Variants in MYO1E observed in about 807,000 individuals in gnomAD.
MYO1E encodes the protein myosin IE.
MYO1E carries 68 observed loss-of-function variants against 151.1 expected under a neutral mutation model. The observed-to-expected ratio is 0.45, with a 90% CI of 0.37 to 0.55. MYO1E has a LOEUF of 0.55. Ranked by LOEUF, MYO1E falls within the 20% of genes least tolerant of loss-of-function variation. MYO1E has a pLI of 0.00. For missense variants in MYO1E, 1,363 were observed against 1,389.3 expected, an observed-to-expected ratio of 0.98 and a Z score of 0.30; for synonymous variants, 601 against 501.7, an observed-to-expected ratio of 1.20 and a Z score of -2.64.
intron 1 of MYO1E, among the ~76,000 whole-genome samples, chr15:59,367,274 C>T (rs370000850): frequency 6.6e-6 from 1 of 152,158 alleles, no homozygotes; most frequent in African/African-American, 2.4e-5. Flanking sequence ...GGCACAGAGG[C>T]AAAATGTTGT....
At chr15:59,230,984 T>C (rs767135289) in intron 6 of MYO1E, among the ~76,000 whole-genome samples, 8 of 152,338 alleles carry the variant, frequency 5.3e-5, no homozygotes, top group Admixed American at 5.2e-4. Context: ...GGGGAACATA[T>C]TCATATTCAG....
chr15:59,175,122 T>C (rs11854099), intron 19 of MYO1E, among the ~76,000 whole-genome samples: 18,420 of 152,176 alleles, frequency 0.12, 1,152 homozygotes, highest in Middle Eastern at 0.17. Context: ...GATGAGAACA[T>C]TGGAACTAAG....
In MYO1E at chr15:59,134,963, C is replaced by G. The variant is rs2079363892; in HGVS notation, c.*2417G>C. ...GAAAAAAAGGGAAATGTTATTTATC[C>G]CAGATTTTTCTGGTAGTCCCCATGT... is the stretch of plus-strand genomic sequence containing the variant. On this transcript the variant is annotated 3_prime_UTR_variant, in exon 28 of 28. Transcript: ENST00000288235. 1 of 152,136 alleles carries G rather than the reference C, an allele frequency of 6.6e-6. No individual in the cohort carries two copies. The highest frequency in any genetic ancestry group is 1.5e-5 in the Non-Finnish European group (1 of 68,020). The allele number at this position is 152,136 out of a possible 1,614,324, so 9.4% of individuals were successfully genotyped here.
chr15:59,339,844 CTTTT>C (rs869230500), intron 1 of MYO1E, among the ~76,000 whole-genome samples: 3 of 122,460 alleles, frequency 2.4e-5, no homozygotes, highest in African/African-American at 3.3e-5. Context: ...TATATACATA[CTTTT>C]TTTTGTTTTT....
At chr15:59,198,648 T>G (rs1316457492) in intron 16 of MYO1E, among the ~76,000 whole-genome samples, 1 of 151,828 alleles carries the variant, frequency 6.6e-6, no homozygotes, top group Non-Finnish European at 1.5e-5. Context: ...AAACTTCGTC[T>G]CTACTAAAAA....
In MYO1E at chr15:59,135,473, G is replaced by A. The variant is rs1182950951; in HGVS notation, c.*1907C>T. On this transcript the variant is annotated 3_prime_UTR_variant, in exon 28 of 28. Transcript: ENST00000288235. ...TCTGGTGGTATCTTCCTCCCACTGC[G>A]GGGAGTCCATGAATGTGAAAGTACT... 1 of 152,156 alleles carries A rather than the reference G, an allele frequency of 6.6e-6. No homozygotes were observed. The highest frequency in any genetic ancestry group is 2.4e-5 in the African/African-American group (1 of 41,414). 9.4% of individuals were successfully genotyped at this position (152,156 alleles called of 1,614,324 possible). A position where few individuals can be genotyped will look rare whatever the true frequency, so the allele number is the denominator to read the frequency against.
intron 1 of MYO1E, among the ~76,000 whole-genome samples, chr15:59,358,438 G>C (rs2080866980): frequency 6.6e-6 from 1 of 152,152 alleles, no homozygotes; most frequent in African/African-American, 2.4e-5. Context: ...GCCTTGTGGG[G>C]AAAGAAAAGG....
chr15:59,259,131 A>T (rs1165197378), intron 3 of MYO1E, among the ~76,000 whole-genome samples: 2 of 152,134 alleles, frequency 1.3e-5, no homozygotes, highest in Non-Finnish European at 2.9e-5. Context: ...CTCAATTTTG[A>T]GACACTGACC....
intron 1 of MYO1E, among the ~76,000 whole-genome samples, chr15:59,307,771 C>T (rs371037007): frequency 5.9e-5 from 9 of 151,960 alleles, no homozygotes; most frequent in African/African-American, 1.9e-4. Flanking sequence ...CCACTATGGC[C>T]GGCTAACTTT....
chr15:59,151,838 G>C (rs577563185), intron 26 of MYO1E, among the ~76,000 whole-genome samples: 6 of 152,040 alleles, frequency 3.9e-5, no homozygotes, highest in African/African-American at 1.4e-4. Flanking sequence ...ACGAGGTCAG[G>C]AGATCAAGAC....
intron 1 of MYO1E, among the ~76,000 whole-genome samples, chr15:59,334,850 A>C (rs929860328): frequency 1.3e-5 from 2 of 152,244 alleles, no homozygotes; most frequent in Admixed American, 1.3e-4. Context: ...TGATTTACTT[A>C]TCAGACTGGC....
At position 59,163,282 on chromosome 15, in the gene MYO1E, A is replaced by G. The variant is rs1307062169; in HGVS notation, c.2502T>C (p.Phe834=). 9.9e-6 allele frequency: 16 copies of G among 1,613,858 alleles called. No homozygotes were observed. Among genetic ancestry groups the G allele is most frequent in the South Asian group, 7.7e-5 (7 of 91,070 alleles). Reference sequence around the variant, plus strand: ...TGTCATACTCTTGCTCATGGAGAATAAAAATGTCATCCTGCATAGTACTGT... The same window carrying G: ...TGTCATACTCTTGCTCATGGAGAATGAAAATGTCATCCTGCATAGTACTGT... ...VSLSTMQDDI[F]ILHEQEYDSL... is the part of the protein sequence containing the mutation. The change falls in exon 23 of 28, where the codon TTT becomes TTC. Residue 834 remains phenylalanine (F), a synonymous_variant. Transcript: ENST00000288235.
At chr15:59,244,423 T>A (rs1335427939) in intron 4 of MYO1E, among the ~76,000 whole-genome samples, 1 of 152,254 alleles carries the variant, frequency 6.6e-6, no homozygotes, top group African/African-American at 2.4e-5. Context: ...TATTTCCTCA[T>A]TACACTTTCT....
intron 2 of MYO1E, among the ~76,000 whole-genome samples, chr15:59,268,074 A>T (rs1362406715): frequency 3.3e-5 from 5 of 152,222 alleles, no homozygotes; most frequent in African/African-American, 1.2e-4. Flanking sequence ...TCAATGTGAA[A>T]TCAAGTCTCT....
chr15:59,147,486 C>T (rs1488138940), intron 26 of MYO1E, among the ~76,000 whole-genome samples: 3 of 145,802 alleles, frequency 2.1e-5, no homozygotes, highest in East Asian at 2.1e-4. Flanking sequence ...CAGCTGCTTG[C>T]GAGGTTGAGG....
chr15:59,307,892 G>A (rs1372907072), intron 1 of MYO1E, among the ~76,000 whole-genome samples: 5 of 150,536 alleles, frequency 3.3e-5, no homozygotes, highest in African/African-American at 7.3e-5. Context: ...TTACAGGCGT[G>A]AGCCACCACG....
intron 17 of MYO1E, among the ~76,000 whole-genome samples, chr15:59,194,028 G>C (rs1475370648): frequency 6.6e-6 from 1 of 152,136 alleles, no homozygotes; most frequent in South Asian, 2.1e-4. Context: ...TATAGAAGTA[G>C]CCAGGCATGA....
chr15:59,328,931 G>A (rs1360117111), intron 1 of MYO1E, among the ~76,000 whole-genome samples: 1 of 152,180 alleles, frequency 6.6e-6, no homozygotes, highest in African/African-American at 2.4e-5. Flanking sequence ...CTAGTTCAGA[G>A]AGGTTAAGAA....
At chr15:59,229,130 C>A (rs1025668480) in intron 6 of MYO1E, among the ~76,000 whole-genome samples, 1 of 152,184 alleles carries the variant, frequency 6.6e-6, no homozygotes, top group Non-Finnish European at 1.5e-5. Context: ...CAGTGCCTGT[C>A]CCCCATTCCT....
Sources: gnomAD v4.1 joint callset for allele counts (sites outside exome capture counted in the v4.1 genomes callset) on GRCh38, gnomAD v4.1.1 for gene constraint, MANE v1.5 for transcripts, NCBI Gene and HGNC (gene_info 2026-07-23, HGNC 2026-07-21) for gene names.